SLC39A13: variants seen among roughly 807,000 people sequenced by gnomAD.
SLC39A13 encodes the protein zinc transporter ZIP13.
SLC39A13 carries 18 observed loss-of-function variants against 38.7 expected under a neutral mutation model. That is an observed-to-expected ratio of 0.47 (90% confidence interval 0.32 to 0.69). SLC39A13 has a LOEUF of 0.69. Among genes scored for constraint, SLC39A13 ranks in the 30% least tolerant of loss-of-function variants. The pLI is 0.03. For synonymous variants in SLC39A13, 212 were observed against 219.1 expected, an observed-to-expected ratio of 0.97 and a Z score of 0.29; for missense variants, 395 against 490.7, an observed-to-expected ratio of 0.80 and a Z score of 1.84.
chr11:47,410,952 G>A (rs2095996130), intron 2 of SLC39A13, among the ~76,000 whole-genome samples: 1 of 152,204 alleles, frequency 6.6e-6, no homozygotes, highest in African/African-American at 2.4e-5. Flanking sequence ...CTTGGGCCAT[G>A]GTCAGGCCTG....
chr11:47,412,585 T>A, intron 4 of SLC39A13, 118 bp downstream of exon 4: 1 of 1,555,918 alleles, frequency 6.4e-7, no homozygotes, highest in African/African-American at 1.4e-5. Flanking sequence ...GGCCCTCTCC[T>A]GGGAGCTGCG....
intron 3 of SLC39A13, 140 bp downstream of exon 3, chr11:47,412,179 G>A: frequency 1.6e-6 from 2 of 1,282,190 alleles, no homozygotes; most frequent in South Asian, 2.6e-5. Context: ...GAGGGTCATT[G>A]TCCTGGTCTC....
rs375059400 is a variant in SLC39A13 at position 47,412,056 on chromosome 11, G to A, written c.415+17G>A. Reference sequence around the variant, plus strand: ...CCAGCCCTGGTAAGTGAGGCCACACGCCAGGGGCAAGACAGTGCCAGGAGT... The same window carrying A: ...CCAGCCCTGGTAAGTGAGGCCACACACCAGGGGCAAGACAGTGCCAGGAGT... On this transcript the variant is annotated intron_variant, in intron 3 of 9. Transcript: ENST00000362021. 134 of 1,597,184 alleles carry A rather than the reference G, an allele frequency of 8.4e-5. No homozygotes were observed. In the African/African-American group the frequency reaches 9.1e-4, roughly 11 times the overall value.
chr11:47,411,899 C>G, intron 2 of SLC39A13, 27 bp from the exon 3 acceptor site: 2 of 1,603,284 alleles, frequency 1.2e-6, no homozygotes, highest in Non-Finnish European at 1.7e-6. Flanking sequence ...CCAGTCAGCC[C>G]CCAGACCCCG....
At position 47,415,139 on chromosome 11, in the gene SLC39A13, C is replaced by T. The variant is rs2096020424; in HGVS notation, c.1020C>T (p.Leu340=). The change falls in exon 9 of 10, where the codon CTC becomes CTT. Residue 340 remains leucine, a synonymous_variant. Transcript: ENST00000362021. The stretch of plus-strand genomic sequence containing the variant: ...CCTTGGTGAACGTGCTCCCTGACCT[C>T]TTGGAAGAAGAGGACCCGTGGTGAG... ...YIALVNVLPD[L]LEEEDPWRSL... 4 of 1,612,364 alleles carry T rather than the reference C, an allele frequency of 2.5e-6. No individual in the cohort carries two copies. Among genetic ancestry groups the T allele is most frequent in the Non-Finnish European group, 3.4e-6 (4 of 1,179,286 alleles).
intron 4 of SLC39A13, among the ~76,000 whole-genome samples, chr11:47,412,878 C>T (rs1478877546): frequency 6.6e-6 from 1 of 150,704 alleles, no homozygotes; most frequent in African/African-American, 2.4e-5. Flanking sequence ...TCTCCTGCCT[C>T]AGCCTCCCGA....
intron 1 of SLC39A13, chr11:47,409,854 GAC>G (rs2095988650): frequency 1.9e-6 from 1 of 537,794 alleles, no homozygotes; most frequent in Non-Finnish European, 3.3e-6. Context: ...CGGAGGTGCT[GAC>G]ACAGTCTGGA....
chr11:47,412,235 C>T, intron 3 of SLC39A13, 111 bp from the exon 4 acceptor site: 8 of 1,455,652 alleles, frequency 5.5e-6, no homozygotes, highest in Non-Finnish European at 7.5e-6. Flanking sequence ...CTGCCCAACC[C>T]ACCCTTGTCA....
chr11:47,408,249 G>T (rs2095979166), upstream of SLC39A13, among the ~76,000 whole-genome samples: 1 of 152,064 alleles, frequency 6.6e-6, no homozygotes, highest in African/African-American at 2.4e-5. Flanking sequence ...CTGCGGCCCT[G>T]GACGGGAAGC....
At chr11:47,412,171 G>A in intron 3 of SLC39A13, 132 bp downstream of exon 3, 1 of 1,267,948 alleles carries the variant, frequency 7.9e-7, no homozygotes, top group Non-Finnish European at 1.1e-6. Flanking sequence ...GAGGGAGGGA[G>A]GGTCATTGTC....
chr11:47,409,914 G>A, intron 1 of SLC39A13, 173 bp from the exon 2 acceptor site: 1 of 692,174 alleles, frequency 1.4e-6, no homozygotes. Flanking sequence ...AGGGTGTGGA[G>A]ACACAGGGCC....
chr11:47,410,900 C>G (rs1276473873), intron 2 of SLC39A13, among the ~76,000 whole-genome samples: 1 of 152,228 alleles, frequency 6.6e-6, no homozygotes, highest in Non-Finnish European at 1.5e-5. Flanking sequence ...CTGTGCCAGG[C>G]ACTGGGCTGA....
chr11:47,412,056 G>T lies in SLC39A13; in HGVS notation c.415+17G>T. On this transcript the variant is annotated intron_variant, in intron 3 of 9. Transcript: ENST00000362021. ...CCAGCCCTGGTAAGTGAGGCCACAC[G>T]CCAGGGGCAAGACAGTGCCAGGAGT... 6.3e-7 allele frequency: 1 copy of T among 1,597,184 alleles called. No homozygotes were observed.
chr11:47,410,189 G>A lies in SLC39A13; in HGVS notation c.95G>A (p.Gly32Asp), dbSNP rs754558033. ...LALELLERAG[G>D]SQPALRSRGT... is the part of the protein sequence containing the mutation. Reference sequence around the variant, plus strand: ...CTGGAGCTCTTGGAAAGGGCTGGGGGTTCCCAGCCGGCCCTCCGGAGCCGG... The same window carrying A: ...CTGGAGCTCTTGGAAAGGGCTGGGGATTCCCAGCCGGCCCTCCGGAGCCGG... Residue 32 changes from glycine to aspartate, a missense_variant, in exon 2 of 10, where the codon GGT (glycine) becomes GAT (aspartate). Gly to Asp is a moderately conservative substitution (Grantham distance 94, BLOSUM62 -1). Coordinates refer to ENST00000362021, the MANE Select transcript of SLC39A13 (RefSeq NM_001128225.3). 1 of 1,613,770 alleles carries A rather than the reference G, an allele frequency of 6.2e-7. No homozygotes were observed. Among genetic ancestry groups the A allele is most frequent in the South Asian group, 1.1e-5 (1 of 91,070 alleles).
chr11:47,407,568 C>G (rs985571646), upstream of SLC39A13: 1 of 152,304 alleles, frequency 6.6e-6, no homozygotes, highest in Non-Finnish European at 1.5e-5. Flanking sequence ...GAATCTTCTC[C>G]TGTACTGGCT....
At chr11:47,414,977 A>G (rs1434185345) in intron 8 of SLC39A13, 62 bp from the exon 9 acceptor site, 2 of 1,608,578 alleles carry the variant, frequency 1.2e-6, no homozygotes, top group African/African-American at 2.7e-5. Context: ...GGGTGTGGCT[A>G]CCGCACTGCT....
Position 47,416,363 on chromosome 11 carries a change from G to C in SLC39A13, c.*1000G>C, listed in dbSNP as rs535370872. The C allele has an allele frequency of 6.5e-6, 1 of 152,752 alleles. No homozygotes were observed. Among genetic ancestry groups the C allele is most frequent in the Non-Finnish European group, 1.5e-5 (1 of 68,090 alleles). The allele number at this position is 152,752 out of a possible 1,614,324, so 9.5% of individuals were successfully genotyped here. ...CCACTCCACAGCCAGGCCTGGCCCT[G>C]CCCTTCACCGTGGATGTTTTCAGAA... On this transcript the variant is annotated 3_prime_UTR_variant, in exon 10 of 10. Transcript: ENST00000362021.
Position 47,413,527 on chromosome 11 carries a change from C to T in SLC39A13, c.645+20C>T, listed in dbSNP as rs1439964023. On this transcript the variant is annotated intron_variant, in intron 5 of 9. Coordinates refer to ENST00000362021, the MANE Select transcript of SLC39A13 (RefSeq NM_001128225.3). ...ATCAAAGTGAGTGGCCTGCTCAGGG[C>T]CCCTGCAGCCGTACTGCCCTGAGTG... is the stretch of plus-strand genomic sequence containing the variant. 1.9e-6 allele frequency: 3 copies of T among 1,613,786 alleles called. No homozygotes were observed. The highest frequency in any genetic ancestry group is 2.5e-6 in the Non-Finnish European group (3 of 1,179,878).
chr11:47,407,657 T>G (rs2095977176), upstream of SLC39A13: 1 of 152,198 alleles, frequency 6.6e-6, no homozygotes, highest in Non-Finnish European at 1.5e-5. Flanking sequence ...TGAGAAGTGG[T>G]ATCACATACT....
Sources: gnomAD v4.1 joint callset for allele counts (sites outside exome capture counted in the v4.1 genomes callset) on GRCh38, gnomAD v4.1.1 for gene constraint, MANE v1.5 for transcripts, NCBI Gene and HGNC (gene_info 2026-07-23, HGNC 2026-07-21) for gene names.